The following NECTIN1 variants were observed in gnomAD, a reference collection of about 807,000 sequenced individuals.
NECTIN1 encodes nectin cell adhesion molecule 1.
A neutral mutation model predicts 48.0 loss-of-function variants in NECTIN1; 23 were observed. That is an observed-to-expected ratio of 0.48 (90% CI 0.34 to 0.68). The LOEUF (loss-of-function observed/expected upper bound fraction) is 0.68, where lower values mean the gene tolerates loss of function less well. NECTIN1 is among the 30% of genes least tolerant of loss of function. The pLI is 0.01. For missense variants in NECTIN1, 591 were observed against 709.9 expected, an observed-to-expected ratio of 0.83 and a Z score of 1.90; for synonymous variants, 270 against 288.9, an observed-to-expected ratio of 0.93 and a Z score of 0.66.
In NECTIN1 at chr11:119,705,825, C is replaced by T. The variant is rs531760739; in HGVS notation, c.79+22650G>A. Among the ~76,000 whole-genome samples the T allele has an allele frequency of 5.4e-3, 816 of 152,276 alleles. 11 individuals carry two copies. Among genetic ancestry groups the T allele is most frequent in the African/African-American group, 0.018 (767 of 41,548 alleles). ...CAGAGCTGGGGAGGGAGCCCCAAGG[C>T]CAGAGGCGGGGCAGGGGCTGCATCA... is the stretch of plus-strand genomic sequence containing the variant. On this transcript the variant is annotated intron_variant, in intron 1 of 5. Coordinates refer to ENST00000264025, the MANE Select transcript of NECTIN1 (RefSeq NM_002855.5).
intron 1 of NECTIN1, among the ~76,000 whole-genome samples, chr11:119,681,680 T>C (rs1035545771): frequency 6.6e-6 from 1 of 151,978 alleles, no homozygotes; most frequent in Non-Finnish European, 1.5e-5. Flanking sequence ...GCAGCCCACG[T>C]CTATGTTGGG....
downstream of NECTIN1, among the ~76,000 whole-genome samples, chr11:119,659,567 A>G (rs780299010): frequency 7.4e-4 from 113 of 152,272 alleles, 1 homozygote; most frequent in Non-Finnish European, 1.4e-3. Context: ...CCAAGGCCCA[A>G]CTGGACTAGA....
intron 1 of NECTIN1, among the ~76,000 whole-genome samples, chr11:119,714,576 G>A (rs1244794775): frequency 6.6e-6 from 1 of 152,108 alleles, no homozygotes; most frequent in Admixed American, 6.5e-5. Context: ...CCACATCCCC[G>A]CTGTCCCCTG....
chr11:119,655,353 TA>T (rs1341295309), intron 5 of NECTIN1, among the ~76,000 whole-genome samples: 1 of 151,984 alleles, frequency 6.6e-6, no homozygotes, highest in African/African-American at 2.4e-5. Flanking sequence ...GTACTAAAAA[TA>T]AAAAACATTC....
chr11:119,694,777 ATGATACCCC>A (rs1261759472), intron 1 of NECTIN1, among the ~76,000 whole-genome samples: 2 of 152,112 alleles, frequency 1.3e-5, no homozygotes, highest in Non-Finnish European at 2.9e-5. Context: ...CAGGCCCTCA[ATGATACCCC>A]TGTGCTGAGG....
downstream of NECTIN1, among the ~76,000 whole-genome samples, chr11:119,660,524 C>T (rs907189856): frequency 6.6e-5 from 10 of 152,124 alleles, no homozygotes; most frequent in Non-Finnish European, 1.2e-4. Flanking sequence ...GGACCTAACA[C>T]GGCAGGCGTG....
intron 5 of NECTIN1, among the ~76,000 whole-genome samples, chr11:119,644,765 G>A (rs1359336887): frequency 6.6e-6 from 1 of 152,146 alleles, no homozygotes; most frequent in Non-Finnish European, 1.5e-5. Flanking sequence ...ACCGGGGCAC[G>A]TGTGTGAAAT....
At chr11:119,692,411 A>ATG (rs60998928) in intron 1 of NECTIN1, among the ~76,000 whole-genome samples, 1,881 of 142,412 alleles carry the variant, frequency 0.013, 26 homozygotes, top group African/African-American at 0.041. Context: ...TGTGGCAGTG[A>ATG]TGTGTGTGTG....
intron 1 of NECTIN1, among the ~76,000 whole-genome samples, chr11:119,700,393 A>G (rs1462709432): frequency 6.6e-6 from 1 of 152,134 alleles, no homozygotes; most frequent in Non-Finnish European, 1.5e-5. Context: ...AGGTACTAAT[A>G]CCATTGCTGC....
chr11:119,695,007 A>G lies in NECTIN1; in HGVS notation c.80-16242T>C, dbSNP rs143853212. Among the ~76,000 whole-genome samples, 12 of 151,996 alleles carry G rather than the reference A, an allele frequency of 7.9e-5. No individual in the cohort carries two copies. The East Asian group carries it at 2.3e-3, about 30-fold the overall frequency. On this transcript the variant is annotated intron_variant, in intron 1 of 5. Transcript: ENST00000264025. Reference sequence around the variant, plus strand: ...AACTCCACAGGGAGGTGAGGCTCCTACTGTCTCTTATCTGGAATCACAGTA... The same window carrying G: ...AACTCCACAGGGAGGTGAGGCTCCTGCTGTCTCTTATCTGGAATCACAGTA...
rs1864699461 is a variant in NECTIN1 at position 119,663,272 on chromosome 11, G to A, written c.*1475C>T. 2 of 985,446 alleles carry A rather than the reference G, an allele frequency of 2.0e-6. No individual in the cohort carries two copies. Among genetic ancestry groups the A allele is most frequent in the Non-Finnish European group, 2.4e-6 (2 of 830,022 alleles). The allele number at this position is 985,446 out of a possible 1,614,324, so 61.0% of individuals were successfully genotyped here. A position where few individuals can be genotyped will look rare whatever the true frequency, so the allele number is the denominator to read the frequency against. ...GCCAGGGGATCTGGGAGCAGATGGA[G>A]GAACTGAGGCACTTTGAGCTGGGGG... is the stretch of plus-strand genomic sequence containing the variant. On this transcript the variant is annotated 3_prime_UTR_variant, in exon 6 of 6. Transcript: ENST00000264025.
chr11:119,647,499 G>A (rs538885462), intron 5 of NECTIN1, among the ~76,000 whole-genome samples: 15 of 152,136 alleles, frequency 9.9e-5, no homozygotes, highest in African/African-American at 1.7e-4. Flanking sequence ...ACCCTGCTGC[G>A]CAGGGACCTG....
At position 119,639,338 on chromosome 11, in the gene NECTIN1, C is replaced by T. The variant is rs192567909; in HGVS notation, c.1151+527G>A. Among the ~76,000 whole-genome samples, 36 of 152,266 alleles carry T rather than the reference C, an allele frequency of 2.4e-4. No homozygotes were observed. The East Asian group carries it at 2.9e-3, about 12-fold the overall frequency. ...GAAAGGAAAAGTCAGTTATTCTAAT[C>T]CTGTCTTTATTTACAATGTGGACGT... On this transcript the variant is annotated intron_variant, in intron 6 of 7. Coordinates refer to the NECTIN1 transcript ENST00000341398.
chr11:119,685,316 G>A (rs1441024676), intron 1 of NECTIN1, among the ~76,000 whole-genome samples: 1 of 152,238 alleles, frequency 6.6e-6, no homozygotes, highest in Non-Finnish European at 1.5e-5. Flanking sequence ...GTTTAATGAT[G>A]GGCTGTGGAG....
In NECTIN1 at chr11:119,672,267, G is replaced by T. The variant is rs1038360507; in HGVS notation, c.1003+2892C>A. The stretch of plus-strand genomic sequence containing the variant: ...GGTCCCAGCTGGAGAGGCCTGGCCT[G>T]TCTCCTCCCGACACCCACAGGGATA... On this transcript the variant is annotated intron_variant, in intron 5 of 5. Coordinates refer to ENST00000264025, the MANE Select transcript of NECTIN1 (RefSeq NM_002855.5). This position sits in a 1 kb window ranked among gnomAD's most constrained non-coding sequence, Gnocchi z 4.3. Among the ~76,000 whole-genome samples the T allele has an allele frequency of 1.3e-5, 2 of 152,188 alleles. No homozygotes were observed. The highest frequency in any genetic ancestry group is 2.9e-5 in the Non-Finnish European group (2 of 68,018).
Position 119,653,924 on chromosome 11 carries a change from A to C in NECTIN1, c.1004-13912T>G, listed in dbSNP as rs561095593. 10 of 152,336 alleles carry C rather than the reference A, an allele frequency of 6.6e-5. No homozygotes were observed. The East Asian group carries it at 1.9e-3, about 29-fold the overall frequency. 9.4% of individuals were successfully genotyped at this position (152,336 alleles called of 1,614,324 possible). A position where few individuals can be genotyped will look rare whatever the true frequency, so the allele number is the denominator to read the frequency against. On this transcript the variant is annotated intron_variant, in intron 5 of 7. Coordinates refer to the NECTIN1 transcript ENST00000341398. The stretch of plus-strand genomic sequence containing the variant: ...TTGAGAAATAAAATTCAGGGAAGGC[A>C]GGCACCTTGCTGAAGGTCTGCAGAG...
intron 5 of NECTIN1, chr11:119,641,624 T>TG (rs2135523804): frequency 6.6e-6 from 1 of 152,636 alleles, no homozygotes; most frequent in Admixed American, 6.5e-5. Context: ...AGGTTTAAGC[T>TG]GGACGTGCTT....
At chr11:119,671,447 T>G (rs1238887830) in intron 5 of NECTIN1, among the ~76,000 whole-genome samples, 1 of 152,062 alleles carries the variant, frequency 6.6e-6, no homozygotes, top group Non-Finnish European at 1.5e-5. Context: ...CTGCATGCCT[T>G]TGGGGTCCTG....
intron 1 of NECTIN1, among the ~76,000 whole-genome samples, chr11:119,694,917 T>G (rs1865316536): frequency 6.6e-6 from 1 of 151,684 alleles, no homozygotes; most frequent in South Asian, 2.1e-4. Context: ...GTTGCATCAA[T>G]ATAGCCCCTT....
Sources: allele counts gnomAD v4.1 joint callset (sites outside exome capture counted in the v4.1 genomes callset), GRCh38; gene constraint gnomAD v4.1.1; non-coding constraint Gnocchi (gnomAD v3.1); transcripts MANE v1.5; gene names NCBI Gene and HGNC (gene_info 2026-07-23, HGNC 2026-07-21).